MAP2: variants seen among roughly 807,000 people sequenced by gnomAD.
MAP2 encodes the protein microtubule-associated protein 2.
MAP2 carries 14 observed loss-of-function variants against 137.6 expected under a neutral mutation model. The observed-to-expected ratio is 0.10, with a 90% confidence interval of 0.07 to 0.16. The LOEUF (loss-of-function observed/expected upper bound fraction) is 0.16, where lower values mean the gene tolerates loss of function less well. Ranked by LOEUF, MAP2 falls within the 10% of genes least tolerant of loss-of-function variation. The pLI is 1.00. For synonymous variants in MAP2, 786 were observed against 782.3 expected, an observed-to-expected ratio of 1.00 and a Z score of -0.08; for missense variants, 2,088 against 2,191.5, an observed-to-expected ratio of 0.95 and a Z score of 0.94.
At chr2:209,714,216 T>C (rs1175544280) in intron 13 of MAP2, among the ~76,000 whole-genome samples, 1 of 151,972 alleles carries the variant, frequency 6.6e-6, no homozygotes, top group Non-Finnish European at 1.5e-5. Context: ...AATAAATAAA[T>C]AAATAAAATT....
chr2:209,709,588 A>C (rs2064722259), intron 12 of MAP2, among the ~76,000 whole-genome samples: 1 of 152,134 alleles, frequency 6.6e-6, no homozygotes, highest in Admixed American at 6.5e-5. Flanking sequence ...TTCCAACTAA[A>C]GGCAGATCCA....
Position 209,695,799 on chromosome 2 carries a change from T to C in MAP2, c.3629T>C (p.Ile1210Thr), listed in dbSNP as rs1304314343. Residue 1210 changes from isoleucine (I) to threonine (T), a missense_variant, in exon 8 of 16, where the codon ATA becomes ACA. Ile to Thr is a moderately conservative substitution (Grantham distance 89). This residue lies in a region of MAP2 where 591 missense variants were observed against 642.6 expected (regional missense o/e 0.92). Transcript: ENST00000682079. ...PKEESKETPD[I>T]SITPSDVAEP... ...GAAGAAAGCAAAGAGACCCCAGATA[T>C]ATCCATCACGCCTTCTGATGTTGCA... 1.9e-6 allele frequency: 3 copies of C among 1,614,032 alleles called. No individual in the cohort carries two copies. The highest frequency in any genetic ancestry group is 1.1e-5 in the South Asian group (1 of 91,076).
chr2:209,452,486 T>G (rs1328013287), intron 1 of MAP2, among the ~76,000 whole-genome samples: 3 of 152,212 alleles, frequency 2.0e-5, no homozygotes, highest in Non-Finnish European at 2.9e-5. Flanking sequence ...TCATGGTTAG[T>G]ACCCCTTTAT....
rs376614882 is a variant in MAP2 at position 209,678,922 on chromosome 2, GT to G, written c.376+238del. On this transcript the variant is annotated intron_variant, in intron 6 of 15. Transcript: ENST00000682079. ...AGCTTACAGTTAGACTTTTCCCTAA[GT>G]GGCCCTTAATTTTTTCATTTTCCAG... is the stretch of plus-strand genomic sequence containing the variant. Among the ~76,000 whole-genome samples, 114 of 152,042 alleles carry G rather than the reference GT, an allele frequency of 7.5e-4. 1 individual carries two copies. In the South Asian group the frequency reaches 0.023, roughly 31 times the overall value.
intron 7 of MAP2, among the ~76,000 whole-genome samples, chr2:209,683,116 G>A (rs2055455977): frequency 6.6e-6 from 1 of 152,148 alleles, no homozygotes; most frequent in Non-Finnish European, 1.5e-5. Context: ...CCTGCTTCCT[G>A]TAGGGTAATA....
At chr2:209,620,877 T>C (rs905299659) in intron 3 of MAP2, among the ~76,000 whole-genome samples, 19 of 152,138 alleles carry the variant, frequency 1.2e-4, no homozygotes, top group Non-Finnish European at 2.2e-4. Flanking sequence ...TGCTAGTCAT[T>C]GAGGTTAAGC....
chr2:209,556,134 G>A (rs528770368), intron 2 of MAP2, among the ~76,000 whole-genome samples: 12 of 148,084 alleles, frequency 8.1e-5, no homozygotes, highest in South Asian at 2.2e-4. Flanking sequence ...TCCAACTCCC[G>A]GGCTCAAGTG....
intron 1 of MAP2, among the ~76,000 whole-genome samples, chr2:209,463,373 G>A (rs895938923): frequency 8.6e-5 from 13 of 152,010 alleles, no homozygotes; most frequent in Non-Finnish European, 1.8e-4. Context: ...TGTTCCTTTG[G>A]AGAAGTGTCC....
intron 1 of MAP2, among the ~76,000 whole-genome samples, chr2:209,499,677 G>A (rs1337435266): frequency 6.6e-6 from 1 of 152,144 alleles, no homozygotes; most frequent in African/African-American, 2.4e-5. Flanking sequence ...AGCTTCTGGG[G>A]AGGCCTCAGG....
intron 6 of MAP2, among the ~76,000 whole-genome samples, chr2:209,679,620 T>C (rs1392518536): frequency 6.6e-6 from 1 of 152,084 alleles, no homozygotes; most frequent in African/African-American, 2.4e-5. Flanking sequence ...TTTAACTGTC[T>C]ATTAAAAAGT....
chr2:209,693,106 C>T lies in MAP2; in HGVS notation c.936C>T (p.Pro312=), dbSNP rs767047070. 6.2e-7 allele frequency: 1 copy of T among 1,612,986 alleles called. No individual in the cohort carries two copies. Among genetic ancestry groups the T allele is most frequent in the Non-Finnish European group, 8.5e-7 (1 of 1,179,642 alleles). ...GGGAAGGGAAACAGTTTGATTCTCC[C>T]ATGCCAAGTCCCTTTCAAGGGGGAA... The part of the protein sequence containing the change: ...PKWEGKQFDS[P]MPSPFQGGSF... The change falls in exon 8 of 16, where the codon CCC becomes CCT. Residue 312 remains proline, a synonymous_variant. Coordinates refer to ENST00000682079, the MANE Select transcript of MAP2 (RefSeq NM_001375505.1).
At chr2:209,696,495 A>G in intron 8 of MAP2, 47 bp from the exon 9 acceptor site, 1 of 1,528,416 alleles carries the variant, frequency 6.5e-7, no homozygotes, top group Non-Finnish European at 8.9e-7. Flanking sequence ...CTTGTTACTA[A>G]TGTTTTCACT....
chr2:209,610,134 C>T (rs1285730416), intron 3 of MAP2, among the ~76,000 whole-genome samples: 2 of 152,006 alleles, frequency 1.3e-5, no homozygotes, highest in African/African-American at 4.8e-5. Flanking sequence ...GATATTTTAG[C>T]TGTGATCTAT....
chr2:209,694,767 A>G lies in MAP2; in HGVS notation c.2597A>G (p.Asp866Gly), dbSNP rs757146059. ...GTAAAAACGGACAGTCAGCTCGAAG[A>G]CCTGGGCTACTGTGTGTTCAATAAG... Reference protein sequence around the residue: ...VIVKTDSQLEDLGYCVFNKYT... With the variant: ...VIVKTDSQLEGLGYCVFNKYT... The change falls in exon 8 of 16, where the codon GAC (aspartate) becomes GGC (glycine). Residue 866 changes from aspartate to glycine, a missense_variant. Asp to Gly is a moderately conservative substitution (Grantham distance 94). Coordinates refer to ENST00000682079, the MANE Select transcript of MAP2 (RefSeq NM_001375505.1). 1 of 1,614,130 alleles carries G rather than the reference A, an allele frequency of 6.2e-7. No homozygotes were observed. The highest frequency in any genetic ancestry group is 1.1e-5 in the South Asian group (1 of 91,078).
At chr2:209,531,593 A>G (rs1263757435) in intron 2 of MAP2, among the ~76,000 whole-genome samples, 4 of 152,224 alleles carry the variant, frequency 2.6e-5, no homozygotes, top group Non-Finnish European at 5.9e-5. Context: ...CCCTTGAGTT[A>G]TTTAATCTTT....
intron 1 of MAP2, among the ~76,000 whole-genome samples, chr2:209,480,323 G>A (rs1004268446): frequency 1.3e-5 from 2 of 152,210 alleles, no homozygotes; most frequent in Admixed American, 1.3e-4. Flanking sequence ...ATTCCATTCG[G>A]AGGGAAACTA....
At chr2:209,632,166 T>G (rs1170973463) in intron 4 of MAP2, among the ~76,000 whole-genome samples, 2 of 152,260 alleles carry the variant, frequency 1.3e-5, no homozygotes, top group Admixed American at 1.3e-4. Context: ...ACCTTCAATA[T>G]GTGGCAGTGG....
chr2:209,570,703 G>T (rs1375750035), intron 2 of MAP2, among the ~76,000 whole-genome samples: 1 of 151,886 alleles, frequency 6.6e-6, no homozygotes, highest in African/African-American at 2.4e-5. Flanking sequence ...TTATGTGCTT[G>T]TGGGAATTTT....
At chr2:209,438,205 G>A (rs540384982) in intron 1 of MAP2, among the ~76,000 whole-genome samples, 27 of 151,640 alleles carry the variant, frequency 1.8e-4, no homozygotes, top group South Asian at 1.2e-3. Flanking sequence ...AAAAAAATTC[G>A]TATTTTATTA....
Sources: gnomAD v4.1 joint callset for allele counts (sites outside exome capture counted in the v4.1 genomes callset) on GRCh38, gnomAD v4.1.1 for gene constraint, gnomAD v4.1.1 regional missense constraint, MANE v1.5 for transcripts, NCBI Gene and HGNC (gene_info 2026-07-23, HGNC 2026-07-21) for gene names.